LRP1B: variants seen among roughly 807,000 people sequenced by gnomAD.
LRP1B encodes low-density lipoprotein receptor-related protein 1B.
LRP1B carries 217 observed loss-of-function variants against 556.6 expected under a neutral mutation model. The ratio of observed to expected loss-of-function variants is 0.39; its 90% CI spans 0.35 to 0.44. The LOEUF (loss-of-function observed/expected upper bound fraction) is 0.44, where lower values mean the gene tolerates loss of function less well. Among genes scored for constraint, LRP1B ranks in the 20% least tolerant of loss-of-function variants. LRP1B has a pLI of 1.00. For synonymous variants in LRP1B, 2,047 were observed against 1,865.8 expected, an observed-to-expected ratio of 1.10 and a Z score of -2.50; for missense variants, 5,053 against 5,620.8, an observed-to-expected ratio of 0.90 and a Z score of 3.23.
At chr2:141,189,394 T>C (rs1468048613) in intron 6 of LRP1B, among the ~76,000 whole-genome samples, 1 of 151,924 alleles carries the variant, frequency 6.6e-6, no homozygotes, top group African/African-American at 2.4e-5. Flanking sequence ...TATCTTCATG[T>C]TCCTGGAACT....
At chr2:141,070,222 A>C (rs1353835743) in intron 7 of LRP1B, among the ~76,000 whole-genome samples, 2 of 151,784 alleles carry the variant, frequency 1.3e-5, no homozygotes. Context: ...GCTCAACTAC[A>C]TGGAAACTGA....
chr2:142,077,504 T>C (rs1217710874), intron 1 of LRP1B, among the ~76,000 whole-genome samples: 1 of 152,172 alleles, frequency 6.6e-6, no homozygotes. Flanking sequence ...GAGAAAAAAG[T>C]TATATTTATG....
chr2:142,040,444 T>C (rs1168510135), intron 1 of LRP1B, among the ~76,000 whole-genome samples: 1 of 151,376 alleles, frequency 6.6e-6, no homozygotes, highest in Non-Finnish European at 1.5e-5. Context: ...CAATCCCTTA[T>C]CTCTTTTTTA....
In LRP1B at chr2:140,990,614, C is replaced by G. The variant is rs373396448; in HGVS notation, c.2645-957G>C. On this transcript the variant is annotated intron_variant, in intron 16 of 90. Transcript: ENST00000389484. ...TCCCTAGTACAAACAAACATGCAAC[C>G]ACAGAAAATACTTAGGAGGTGACCA... Among the ~76,000 whole-genome samples the G allele has an allele frequency of 4.6e-5, 7 of 151,784 alleles. No individual in the cohort carries two copies. In the South Asian group the frequency reaches 1.5e-3, roughly 32 times the overall value.
Position 140,771,019 on chromosome 2 carries a change from A to C in LRP1B, c.5501-13T>G. ...CAGGAATTGCTGCCTGCATAGAATGAAAATGAAACAAATTTCTTTAATGAA... is the reference window on the plus strand; with the variant it reads ...CAGGAATTGCTGCCTGCATAGAATGCAAATGAAACAAATTTCTTTAATGAA... On this transcript the variant is annotated splice_polypyrimidine_tract_variant and intron_variant, in intron 33 of 90. Coordinates refer to ENST00000389484, the MANE Select transcript of LRP1B (RefSeq NM_018557.3). 6.4e-7 allele frequency: 1 copy of C among 1,552,680 alleles called. No homozygotes were observed. The highest frequency in any genetic ancestry group is 8.6e-7 in the Non-Finnish European group (1 of 1,158,378).
chr2:141,086,114 G>T (rs1700041290), intron 7 of LRP1B, among the ~76,000 whole-genome samples: 1 of 152,138 alleles, frequency 6.6e-6, no homozygotes, highest in Non-Finnish European at 1.5e-5. Context: ...ATCCAGATTT[G>T]CCTCTGTAAA....
intron 31 of LRP1B, among the ~76,000 whole-genome samples, chr2:140,816,223 TTCTCCTGCCTCAGCC>T (rs1691119057): frequency 6.6e-6 from 1 of 151,998 alleles, no homozygotes; most frequent in Non-Finnish European, 1.5e-5. Context: ...GTTCAAGCAA[TTCTCCTGCCTCAGCC>T]TCCCAAGTGG....
intron 7 of LRP1B, among the ~76,000 whole-genome samples, chr2:141,095,047 A>G (rs1162253925): frequency 6.6e-6 from 1 of 152,118 alleles, no homozygotes; most frequent in Admixed American, 6.5e-5. Flanking sequence ...AAGTGAATTG[A>G]TTGTGAAAGG....
At chr2:141,314,573 C>G (rs533252412) in intron 3 of LRP1B, among the ~76,000 whole-genome samples, 66 of 151,758 alleles carry the variant, frequency 4.3e-4, no homozygotes, top group Admixed American at 1.1e-3. Flanking sequence ...GGGCGGGTCA[C>G]CAGGTCAGGA....
chr2:141,820,512 G>A (rs1696718095), intron 1 of LRP1B, among the ~76,000 whole-genome samples: 1 of 152,110 alleles, frequency 6.6e-6, no homozygotes, highest in Non-Finnish European at 1.5e-5. Flanking sequence ...ACTCATCTAT[G>A]ATAAACCCAT....
At chr2:140,562,968 G>A (rs1185822405) in intron 43 of LRP1B, among the ~76,000 whole-genome samples, 11 of 152,086 alleles carry the variant, frequency 7.2e-5, no homozygotes, top group Admixed American at 7.2e-4. Context: ...AAAATTAAAT[G>A]TAAGACAAGG....
chr2:141,339,213 A>T (rs12691600), intron 3 of LRP1B, among the ~76,000 whole-genome samples: 89,284 of 150,248 alleles, frequency 0.59, 27,238 homozygotes, highest in African/African-American at 0.68. Flanking sequence ...ATGTCTATAA[A>T]TTTTTTCCCT....
chr2:141,701,888 A>G (rs982979602), intron 2 of LRP1B, among the ~76,000 whole-genome samples: 13 of 151,906 alleles, frequency 8.6e-5, no homozygotes, highest in Non-Finnish European at 1.9e-4. Flanking sequence ...TTGATGCTAC[A>G]GCCAGATTTA....
chr2:141,715,003 T>G (rs1206923327), intron 2 of LRP1B, among the ~76,000 whole-genome samples: 1 of 152,164 alleles, frequency 6.6e-6, no homozygotes, highest in Non-Finnish European at 1.5e-5. Context: ...TTTATACTAA[T>G]TTTTTCCAGG....
chr2:140,799,486 T>C (rs929394877), intron 32 of LRP1B, among the ~76,000 whole-genome samples: 1 of 152,216 alleles, frequency 6.6e-6, no homozygotes, highest in Non-Finnish European at 1.5e-5. Context: ...ATCTACCCAG[T>C]TTATGGTACT....
chr2:140,766,355 T>C (rs1689103948), intron 35 of LRP1B, among the ~76,000 whole-genome samples: 1 of 152,024 alleles, frequency 6.6e-6, no homozygotes, highest in Non-Finnish European at 1.5e-5. Flanking sequence ...TATAAAGATA[T>C]TATAAATCAA....
At chr2:141,957,402 G>T (rs1226704381) in intron 1 of LRP1B, among the ~76,000 whole-genome samples, 8 of 124,192 alleles carry the variant, frequency 6.4e-5, no homozygotes, top group Admixed American at 2.6e-4. Flanking sequence ...GGGGGCGGGG[G>T]GGTGTACACT....
intron 32 of LRP1B, among the ~76,000 whole-genome samples, chr2:140,808,892 C>A (rs1027104696): frequency 6.6e-6 from 1 of 152,168 alleles, no homozygotes; most frequent in East Asian, 1.9e-4. Flanking sequence ...CACTAGAAAA[C>A]CTTCGTAGAA....
chr2:140,325,688 A>ATACT (rs1680435817), intron 80 of LRP1B, 74 bp downstream of exon 80: 1 of 978,326 alleles, frequency 1.0e-6, no homozygotes, highest in African/African-American at 1.6e-5. Context: ...TAAAGTATCC[A>ATACT]TACTTACATT....
Sources: allele counts gnomAD v4.1 joint callset (sites outside exome capture counted in the v4.1 genomes callset), GRCh38; gene constraint gnomAD v4.1.1; transcripts MANE v1.5; gene names NCBI Gene and HGNC (gene_info 2026-07-23, HGNC 2026-07-21).